WNK2: variants seen among roughly 807,000 people sequenced by gnomAD.
The protein encoded by WNK2 is WNK lysine deficient protein kinase 2.
In WNK2, 67 loss-of-function variants were observed where a neutral mutation model predicts 192.1. The ratio of observed to expected loss-of-function variants is 0.35; its 90% confidence interval spans 0.29 to 0.43. The LOEUF is 0.43. Ranked by LOEUF, WNK2 falls within the 20% of genes least tolerant of loss-of-function variation. The pLI is 1.00. For missense variants in WNK2, 2,698 were observed against 3,089.7 expected (o/e 0.87, Z 3.01); for synonymous variants, 1,439 against 1,393.9 (o/e 1.03, Z -0.72).
At chr9:93,270,998 G>T (rs1178517784) in intron 19 of WNK2, among the ~76,000 whole-genome samples, 1 of 152,200 alleles carries the variant, frequency 6.6e-6, no homozygotes, top group Admixed American at 6.5e-5. Flanking sequence ...ATCATGGAGA[G>T]CACAGAAAAG....
intron 3 of WNK2, among the ~76,000 whole-genome samples, chr9:93,230,633 A>G (rs1264027182): frequency 1.3e-5 from 2 of 152,218 alleles, no homozygotes; most frequent in Non-Finnish European, 2.9e-5. Flanking sequence ...GGAGCTTAGT[A>G]TGAGCTTTAG....
intron 6 of WNK2, among the ~76,000 whole-genome samples, chr9:93,238,570 AG>A (rs1840209667): frequency 6.6e-6 from 1 of 152,168 alleles, no homozygotes; most frequent in Non-Finnish European, 1.5e-5. Context: ...CTTTGGGGAC[AG>A]CCCCCTCCTT....
intron 2 of WNK2, among the ~76,000 whole-genome samples, chr9:93,203,483 G>T (rs887399761): frequency 2.0e-5 from 3 of 152,244 alleles, no homozygotes; most frequent in Non-Finnish European, 4.4e-5. Flanking sequence ...CACAGAGCAG[G>T]TTGGGAGGGA....
intron 16 of WNK2, among the ~76,000 whole-genome samples, chr9:93,266,329 A>C (rs1259447234): frequency 6.6e-6 from 1 of 152,214 alleles, no homozygotes; most frequent in Non-Finnish European, 1.5e-5. Flanking sequence ...CCCTTAGTAA[A>C]GGTGGAACTG....
At chr9:93,268,825 GTGCCCCGTGCC>G in intron 19 of WNK2, 79 bp downstream of exon 19, 1 of 1,577,882 alleles carries the variant, frequency 6.3e-7, no homozygotes, top group Non-Finnish European at 8.6e-7. Flanking sequence ...CAGCCGGTAT[GTGCCCCGTGCC>G]CAGGTCCATG....
In WNK2 at chr9:93,293,038, C is replaced by G. The variant is rs556996667; in HGVS notation, c.5573C>G (p.Pro1858Arg). 49 of 1,609,134 alleles carry G rather than the reference C, an allele frequency of 3.0e-5. No homozygotes were observed. Among genetic ancestry groups the G allele is most frequent in the South Asian group, 5.5e-5 (5 of 90,832 alleles). Residue 1858 changes from proline (P) to arginine (R), a missense_variant, in exon 23 of 30, where the codon CCC (proline) becomes CGC (arginine). This residue lies in a region of WNK2 where 1,098 missense variants were observed against 1,101.0 expected (regional missense o/e 1.00). Coordinates refer to ENST00000427277, the MANE Select transcript of WNK2 (RefSeq NM_006648.4). The part of the protein sequence containing the change: ...SRAGSLGPET[P>R]SRVGMKVPTI... ...GCCGGCTCGCTGGGCCCCGAGACAC[C>G]CAGCAGGGTGGGCATGAAGGTCCCC...
At position 93,319,151 on chromosome 9, in the gene WNK2, C is replaced by T. The variant is rs117465023; in HGVS notation, c.6629-1216C>T. ...TCCTTGTACATGGTGGTCAGTGGCA[C>T]GGAATCCCCAATAGATTGTATATCT... On this transcript the variant is annotated intron_variant, in intron 29 of 29. Coordinates refer to ENST00000427277, the MANE Select transcript of WNK2 (RefSeq NM_006648.4). 7.2e-3 allele frequency: 11,672 copies of T among 1,614,058 alleles called. 62 individuals are homozygous for T. Among genetic ancestry groups the T allele is most frequent in the Non-Finnish European group, 8.6e-3 (10,122 of 1,179,958 alleles).
rs1226219733 is a variant in WNK2, at chr9:93,261,856, G to A, written c.3109G>A (p.Ala1037Thr). ...HPAPYAVDVAAQVPTVPVPPA... is the reference protein window; with the variant it reads ...HPAPYAVDVATQVPTVPVPPA... ...AGCTCCCTATGCTGTGGACGTCGCC[G>A]CTCAGGTCCCCACCGTGCCTGTGCC... Residue 1037 changes from alanine (A) to threonine (T), a missense_variant, in exon 13 of 30, where the codon GCT (alanine) becomes ACT (threonine). Ala to Thr is a moderately conservative substitution (Grantham distance 58). Transcript: ENST00000427277. The A allele has an allele frequency of 4.4e-6, 7 of 1,598,858 alleles. No individual in the cohort carries two copies. Among genetic ancestry groups the A allele is most frequent in the South Asian group, 2.2e-5 (2 of 90,986 alleles).
rs377394972 is a variant in WNK2, at chr9:93,268,724, C to T, written c.4011C>T (p.Ser1337=). Residue 1337 remains serine, a synonymous_variant, in exon 19 of 30, where the codon TCC becomes TCT. Coordinates refer to ENST00000427277, the MANE Select transcript of WNK2 (RefSeq NM_006648.4). ...PESSPPLPLS[S]LPPEASQDSA... ...CTTCGCCCCCACTTCCTCTAAGCTC[C>T]CTGCCGCCAGAAGCCAGCCAAGGTA... 7.4e-5 allele frequency: 119 copies of T among 1,613,086 alleles called. No individual in the cohort carries two copies. The highest frequency in any genetic ancestry group is 2.5e-4 in the East Asian group (11 of 44,818).
intron 14 of WNK2, 200 bp from the exon 15 acceptor site, chr9:93,263,366 C>T (rs1844601595): frequency 1.6e-6 from 1 of 637,110 alleles, no homozygotes; most frequent in East Asian, 2.8e-5. Flanking sequence ...TTCCTTCTGC[C>T]CGTGCCACTT....
Position 93,272,272 on chromosome 9 carries a change from A to T in WNK2, c.4033+3526A>T, listed in dbSNP as rs118100065. Among the ~76,000 whole-genome samples the T allele has an allele frequency of 2.3e-3, 356 of 152,362 alleles. 9 individuals carry two copies. The East Asian group carries it at 0.052, about 22-fold the overall frequency. On this transcript the variant is annotated intron_variant, in intron 19 of 29. Transcript: ENST00000427277. ...TTCTGACAATTGAAGTAAAAAAAAG[A>T]TTATAACAATTTAACCTTCCATTCC...
Position 93,300,210 on chromosome 9 carries a change from C to T in WNK2, c.6214+61C>T, listed in dbSNP as rs74338822. On this transcript the variant is annotated intron_variant, in intron 26 of 29. Transcript: ENST00000427277. ...GGCCCTTGGTTTTCTCCCCCCACCC[C>T]CTCCCTGTCTTCATTACCTTTCATA... is the stretch of plus-strand genomic sequence containing the variant. 3.6e-3 allele frequency: 4,897 copies of T among 1,361,016 alleles called. 94 individuals carry two copies. In the East Asian group the frequency reaches 0.042, roughly 12 times the overall value. 84.3% of individuals were successfully genotyped at this position (1,361,016 alleles called of 1,614,324 possible).
At chr9:93,273,447 C>T (rs1308466582) in intron 19 of WNK2, among the ~76,000 whole-genome samples, 2 of 152,228 alleles carry the variant, frequency 1.3e-5, no homozygotes, top group African/African-American at 4.8e-5. Flanking sequence ...AGCCACTGTG[C>T]CCGGCTGACA....
intron 8 of WNK2, among the ~76,000 whole-genome samples, chr9:93,250,379 T>C (rs935715218): frequency 6.6e-6 from 1 of 152,240 alleles, no homozygotes; most frequent in African/African-American, 2.4e-5. Context: ...ATGTCTGCAT[T>C]CATACATGAA....
At chr9:93,268,100 G>GGGA in intron 18 of WNK2, 35 bp downstream of exon 18, 1 of 1,586,716 alleles carries the variant, frequency 6.3e-7, no homozygotes. Flanking sequence ...CTTTTAAGCA[G>GGGA]GCGTTTGATG....
At chr9:93,281,479 A>T (rs973878152) in intron 19 of WNK2, among the ~76,000 whole-genome samples, 5 of 152,200 alleles carry the variant, frequency 3.3e-5, no homozygotes, top group African/African-American at 1.2e-4. Flanking sequence ...GGCAAGCTCT[A>T]AAGAAACTAA....
At chr9:93,289,954 C>G (rs41307491) in intron 20 of WNK2, 24 bp from the exon 21 acceptor site, 59 of 1,552,490 alleles carry the variant, frequency 3.8e-5, no homozygotes, top group Non-Finnish European at 4.9e-5. Context: ...CACGGCTCTT[C>G]TCTTTTTGTG....
intron 23 of WNK2, among the ~76,000 whole-genome samples, chr9:93,293,913 C>T (rs1849797745): frequency 6.6e-6 from 1 of 152,032 alleles, no homozygotes; most frequent in South Asian, 2.1e-4. Flanking sequence ...CTCTTCCTAT[C>T]TGTCTCTCCT....
At chr9:93,217,365 C>G (rs1835938276) in intron 2 of WNK2, among the ~76,000 whole-genome samples, 1 of 152,214 alleles carries the variant, frequency 6.6e-6, no homozygotes, top group Non-Finnish European at 1.5e-5. Context: ...ACATGTGTAG[C>G]TACTGTTTTG....
Sources: gnomAD v4.1 joint callset for allele counts (sites outside exome capture counted in the v4.1 genomes callset) on GRCh38, gnomAD v4.1.1 for gene constraint, gnomAD v4.1.1 regional missense constraint, MANE v1.5 for transcripts, NCBI Gene and HGNC (gene_info 2026-07-23, HGNC 2026-07-21) for gene names.